The following CD96 variants were observed in gnomAD, a reference collection of about 807,000 sequenced individuals.
CD96 encodes the protein T-cell surface protein tactile.
CD96 carries 70 observed loss-of-function variants against 71.3 expected under a neutral mutation model. The observed-to-expected ratio is 0.98, with a 90% CI of 0.81 to 1.20. CD96 has a LOEUF of 1.20. Ranked by LOEUF, CD96 falls within the 50% of genes most tolerant of loss-of-function variation. The pLI is 0.00. For synonymous variants in CD96, 248 were observed against 233.0 expected (o/e 1.06, Z -0.59); for missense variants, 742 against 677.5 (o/e 1.10, Z -1.06).
At chr3:111,658,246 G>C (rs142738859) in intron 14 of CD96, among the ~76,000 whole-genome samples, 1 of 152,074 alleles carries the variant, frequency 6.6e-6, no homozygotes, top group Non-Finnish European at 1.5e-5. Flanking sequence ...TTTGACTATC[G>C]ATATAGTTAA....
intron 6 of CD96, among the ~76,000 whole-genome samples, chr3:111,599,189 C>T (rs1937387513): frequency 6.6e-6 from 1 of 151,890 alleles, no homozygotes; most frequent in South Asian, 2.1e-4. Flanking sequence ...AGGATGGTCT[C>T]GATCTCCTGA....
intron 14 of CD96, among the ~76,000 whole-genome samples, chr3:111,663,609 A>G (rs1045608355): frequency 6.6e-6 from 1 of 152,236 alleles, no homozygotes; most frequent in Non-Finnish European, 1.5e-5. Context: ...CAAACATGAA[A>G]AAATGTTCAA....
At chr3:111,624,758 C>A (rs1938668344) in intron 10 of CD96, among the ~76,000 whole-genome samples, 2 of 152,020 alleles carry the variant, frequency 1.3e-5, no homozygotes. Context: ...CCAGTCAACC[C>A]GAAAGAGCAA....
chr3:111,637,213 A>C lies in CD96; in HGVS notation c.1339A>C (p.Ser447Arg). Reference protein sequence around the residue: ...DTKKSVSRIPSETYSSSPSGA... With the variant: ...DTKKSVSRIPRETYSSSPSGA... Reference sequence around the variant, plus strand: ...TCCTTTAGCAGTTTCACGGATACCTAGTGAAACATACAGTTCATCCCCGTC... The same window carrying C: ...TCCTTTAGCAGTTTCACGGATACCTCGTGAAACATACAGTTCATCCCCGTC... Residue 447 changes from serine (S) to arginine (R), a missense_variant, in exon 11 of 14, where the codon AGT becomes CGT. Ser to Arg is a moderately radical substitution (Grantham distance 110, BLOSUM62 -1). Transcript: ENST00000352690. 6.3e-7 allele frequency: 1 copy of C among 1,582,946 alleles called. No homozygotes were observed. The highest frequency in any genetic ancestry group is 8.7e-7 in the Non-Finnish European group (1 of 1,151,456).
intron 14 of CD96, among the ~76,000 whole-genome samples, chr3:111,661,149 T>A (rs571236369): frequency 1.3e-5 from 2 of 150,932 alleles, no homozygotes; most frequent in East Asian, 3.9e-4. Context: ...AGTGACAGAG[T>A]GAAGGGGAAA....
chr3:111,574,495 T>G (rs188855388), intron 3 of CD96, among the ~76,000 whole-genome samples: 1 of 152,312 alleles, frequency 6.6e-6, no homozygotes, highest in East Asian at 1.9e-4. Flanking sequence ...TGTTCTAAAT[T>G]GAAAATTTTG....
chr3:111,611,847 A>G (rs1937957289), intron 8 of CD96, among the ~76,000 whole-genome samples: 2 of 152,148 alleles, frequency 1.3e-5, no homozygotes, highest in Non-Finnish European at 2.9e-5. Context: ...CTAAGGGTTG[A>G]TTAGGTGGGG....
intron 1 of CD96, among the ~76,000 whole-genome samples, chr3:111,544,287 G>A (rs1271546718): frequency 2.6e-5 from 4 of 152,160 alleles, no homozygotes; most frequent in Non-Finnish European, 5.9e-5. Context: ...TGGGACTACA[G>A]GCGTGCACCA....
chr3:111,655,190 G>A (rs578146692), downstream of CD96, among the ~76,000 whole-genome samples: 3 of 152,240 alleles, frequency 2.0e-5, no homozygotes, highest in Non-Finnish European at 2.9e-5. Context: ...GGTGACTAAC[G>A]AATCTGAAAT....
intron 3 of CD96, among the ~76,000 whole-genome samples, chr3:111,569,551 T>G (rs911356766): frequency 6.6e-6 from 1 of 152,230 alleles, no homozygotes; most frequent in Non-Finnish European, 1.5e-5. Context: ...ATGCATAGCT[T>G]GCTTAATATT....
At chr3:111,636,157 C>T (rs2107750598) in intron 10 of CD96, among the ~76,000 whole-genome samples, 1 of 152,290 alleles carries the variant, frequency 6.6e-6, no homozygotes. Flanking sequence ...TCTTACTTCT[C>T]AGGTGACCCC....
chr3:111,616,773 G>GC (rs1239858145), intron 8 of CD96, among the ~76,000 whole-genome samples: 1 of 152,118 alleles, frequency 6.6e-6, no homozygotes, highest in Non-Finnish European at 1.5e-5. Context: ...GGACTGTTGA[G>GC]CCCGTAGAGG....
chr3:111,599,453 C>T (rs1219737924), intron 6 of CD96, among the ~76,000 whole-genome samples: 1 of 152,132 alleles, frequency 6.6e-6, no homozygotes, highest in East Asian at 1.9e-4. Context: ...GGCGCAGTGG[C>T]ACACACTTGT....
intron 5 of CD96, chr3:111,594,194 C>T: frequency 6.3e-7 from 1 of 1,591,480 alleles, no homozygotes. Flanking sequence ...GTCTTCCCGC[C>T]TCATCATGTC....
At chr3:111,618,017 C>T (rs1325030618) in intron 8 of CD96, among the ~76,000 whole-genome samples, 1 of 152,240 alleles carries the variant, frequency 6.6e-6, no homozygotes, top group Non-Finnish European at 1.5e-5. Context: ...TACATCTGGT[C>T]CAGCAGCAGC....
chr3:111,649,873 T>G lies in CD96; in HGVS notation c.*67T>G, dbSNP rs766471178. 15 of 1,017,046 alleles carry G rather than the reference T, an allele frequency of 1.5e-5. No individual in the cohort carries two copies. The highest frequency in any genetic ancestry group is 2.2e-5 in the Non-Finnish European group (14 of 636,928). The allele number at this position is 1,017,046 out of a possible 1,614,324, so 63.0% of individuals were successfully genotyped here. A position where few individuals can be genotyped will look rare whatever the true frequency, so the allele number is the denominator to read the frequency against. ...CTATTGAGAAGGTAGACATTGTGCTTTATTAATATAGTCGCTCTTCAGCCA... is the reference window on the plus strand; with the variant it reads ...CTATTGAGAAGGTAGACATTGTGCTGTATTAATATAGTCGCTCTTCAGCCA... On this transcript the variant is annotated 3_prime_UTR_variant, in exon 14 of 14. Coordinates refer to ENST00000352690, the MANE Select transcript of CD96 (RefSeq NM_005816.5).
At chr3:111,658,954 G>A (rs1355841044) in intron 14 of CD96, among the ~76,000 whole-genome samples, 1 of 152,196 alleles carries the variant, frequency 6.6e-6, no homozygotes, top group Non-Finnish European at 1.5e-5. Flanking sequence ...AATAGTTTCA[G>A]TAGGATCGTG....
chr3:111,569,811 T>C (rs1393102312), intron 3 of CD96, among the ~76,000 whole-genome samples: 1 of 152,252 alleles, frequency 6.6e-6, no homozygotes, highest in Non-Finnish European at 1.5e-5. Context: ...AATTCATATT[T>C]TGTAGGAAAT....
chr3:111,579,085 C>A lies in CD96; in HGVS notation c.602C>A (p.Thr201Lys). Residue 201 changes from threonine to lysine, a missense_variant, in exon 4 of 14, where the codon ACA becomes AAA. By Grantham distance (78) the Thr-to-Lys change is moderately conservative (BLOSUM62 -1). Transcript: ENST00000352690. ...ISQNHLISNS[T>K]LLKDRVKLGT... ...CAAAATCACCTCATCAGCAATTCCA[C>A]ATTACTTAAAGATAGAGTCAAGCTT... The A allele has an allele frequency of 6.2e-7, 1 of 1,608,264 alleles. No individual in the cohort carries two copies. Among genetic ancestry groups the A allele is most frequent in the Non-Finnish European group, 8.5e-7 (1 of 1,174,536 alleles).
Sources: gnomAD v4.1 joint callset for allele counts (sites outside exome capture counted in the v4.1 genomes callset) on GRCh38, gnomAD v4.1.1 for gene constraint, MANE v1.5 for transcripts, NCBI Gene and HGNC (gene_info 2026-07-23, HGNC 2026-07-21) for gene names.